The following XKR6 variants were observed in gnomAD, a reference collection of about 807,000 sequenced individuals.
XKR6 encodes the protein XK-related protein 6.
XKR6 carries 22 observed loss-of-function variants against 56.7 expected under a neutral mutation model. The observed-to-expected ratio is 0.39, with a 90% CI of 0.28 to 0.55. The LOEUF is 0.55. Among genes scored for constraint, XKR6 ranks in the 20% least tolerant of loss-of-function variants. The probability of loss-of-function intolerance (pLI) is 0.66; values close to 1 mark genes in which losing one functional copy is unlikely to be tolerated. For missense variants in XKR6, 852 were observed against 889.0 expected, an observed-to-expected ratio of 0.96 and a Z score of 0.53; for synonymous variants, 524 against 387.8, an observed-to-expected ratio of 1.35 and a Z score of -4.13.
chr8:11,178,504 A>G (rs1802774948), intron 1 of XKR6, among the ~76,000 whole-genome samples: 1 of 148,722 alleles, frequency 6.7e-6, no homozygotes, highest in African/African-American at 2.5e-5. Context: ...AATCACTAAT[A>G]AAACCACACC....
At chr8:11,157,148 G>T (rs1310009140) in intron 1 of XKR6, among the ~76,000 whole-genome samples, 1 of 152,152 alleles carries the variant, frequency 6.6e-6, no homozygotes, top group African/African-American at 2.4e-5. Flanking sequence ...TGCCTGACCA[G>T]CAAGCCTCCA....
intron 1 of XKR6, chr8:11,137,188 G>T (rs1438890672): frequency 5.8e-6 from 1 of 172,798 alleles, no homozygotes; most frequent in African/African-American, 2.4e-5. Flanking sequence ...CCATCATCAT[G>T]CTAAAACATA....
intron 1 of XKR6, among the ~76,000 whole-genome samples, chr8:11,069,756 A>G (rs1360993758): frequency 6.6e-6 from 1 of 152,088 alleles, no homozygotes; most frequent in Non-Finnish European, 1.5e-5. Context: ...GAGCCTCCAG[A>G]GCCTTCAGTG....
chr8:11,162,694 C>T (rs1286801768), intron 1 of XKR6, among the ~76,000 whole-genome samples: 1 of 152,198 alleles, frequency 6.6e-6, no homozygotes, highest in African/African-American at 2.4e-5. Context: ...AATTTTTAAA[C>T]ATTCTTACAA....
chr8:11,194,039 A>G (rs1334744377), intron 1 of XKR6, among the ~76,000 whole-genome samples: 1 of 152,204 alleles, frequency 6.6e-6, no homozygotes, highest in Non-Finnish European at 1.5e-5. Context: ...CAAAATGAGA[A>G]TTTGTTTAAT....
intron 1 of XKR6, among the ~76,000 whole-genome samples, chr8:11,167,014 G>C (rs1205130676): frequency 2.0e-5 from 3 of 152,212 alleles, no homozygotes; most frequent in Non-Finnish European, 4.4e-5. Flanking sequence ...GTTGCCTGCA[G>C]CGTGTGTGGC....
chr8:10,959,910 C>T (rs1563312832), intron 1 of XKR6, among the ~76,000 whole-genome samples: 3 of 152,132 alleles, frequency 2.0e-5, no homozygotes. Context: ...GTGACCAGGG[C>T]TGGAACTACG....
intron 1 of XKR6, among the ~76,000 whole-genome samples, chr8:11,097,807 C>CA (rs1196874380): frequency 0.076 from 4,720 of 62,302 alleles, 186 homozygotes; most frequent in East Asian, 0.13. Context: ...GACTCCATCT[C>CA]AAAAAAAAAA....
At chr8:10,915,363 C>A (rs1471709180) in intron 2 of XKR6, among the ~76,000 whole-genome samples, 1 of 152,194 alleles carries the variant, frequency 6.6e-6, no homozygotes, top group Non-Finnish European at 1.5e-5. Context: ...ATGAAGCTAC[C>A]TCGCTCACTT....
intron 1 of XKR6, among the ~76,000 whole-genome samples, chr8:10,947,595 A>G (rs1450745620): frequency 1.3e-5 from 2 of 152,170 alleles, no homozygotes; most frequent in Non-Finnish European, 2.9e-5. Context: ...ACACCCAAAG[A>G]AGGAGGAGAA....
rs1374636056 is a variant in XKR6, at chr8:10,924,501, G to T, written c.961+133C>A. 2.8e-6 allele frequency: 3 copies of T among 1,062,306 alleles called. No individual in the cohort carries two copies. The East Asian group carries it at 7.7e-5, about 27-fold the overall frequency. 65.8% of individuals were successfully genotyped at this position (1,062,306 alleles called of 1,614,324 possible). ...CCCCGTCAGCACTGCACTGGGGGCC[G>T]GGCGTCCTGGGGACTCAGGGCAGGA... On this transcript the variant is annotated intron_variant, in intron 2 of 2. Transcript: ENST00000416569.
At chr8:11,110,634 C>T (rs1202875000) in intron 1 of XKR6, among the ~76,000 whole-genome samples, 2 of 152,272 alleles carry the variant, frequency 1.3e-5, no homozygotes, top group Non-Finnish European at 1.5e-5. Context: ...ACTTGACCAT[C>T]ATATGTATCT....
intron 1 of XKR6, among the ~76,000 whole-genome samples, chr8:11,034,124 A>G (rs1478614628): frequency 6.6e-6 from 1 of 152,264 alleles, no homozygotes; most frequent in Non-Finnish European, 1.5e-5. Context: ...GCATGCCTCA[A>G]GGAGACATGG....
At chr8:11,146,491 T>C (rs574348417) in intron 1 of XKR6, among the ~76,000 whole-genome samples, 11 of 152,122 alleles carry the variant, frequency 7.2e-5, no homozygotes, top group Non-Finnish European at 1.5e-4. Context: ...TAGATGAGCA[T>C]GGTGGCATGT....
At chr8:11,162,011 A>G (rs1801838884) in intron 1 of XKR6, among the ~76,000 whole-genome samples, 2 of 152,310 alleles carry the variant, frequency 1.3e-5, no homozygotes, top group South Asian at 2.1e-4. Context: ...GTCCCACTTC[A>G]CAGAGTTCTA....
intron 1 of XKR6, among the ~76,000 whole-genome samples, chr8:11,000,132 A>T (rs138843334): frequency 1.3e-5 from 2 of 152,254 alleles, no homozygotes; most frequent in East Asian, 3.9e-4. Flanking sequence ...AGGCACCAAG[A>T]CTATTAAAGA....
chr8:11,051,586 C>G (rs561736753), intron 1 of XKR6, among the ~76,000 whole-genome samples: 114 of 152,278 alleles, frequency 7.5e-4, no homozygotes, highest in African/African-American at 2.6e-3. Context: ...CTTTTCCTCA[C>G]GCCCCATGCC....
chr8:10,918,227 C>T (rs1800615064), intron 2 of XKR6, among the ~76,000 whole-genome samples: 1 of 152,216 alleles, frequency 6.6e-6, no homozygotes, highest in Non-Finnish European at 1.5e-5. Context: ...GACCCATCCC[C>T]TTGCCTCCTG....
chr8:11,031,113 G>A (rs796891291), intron 1 of XKR6, among the ~76,000 whole-genome samples: 1 of 152,204 alleles, frequency 6.6e-6, no homozygotes, highest in East Asian at 1.9e-4. Context: ...AGATGACCCT[G>A]TTCACTGGCT....
Sources: gnomAD v4.1 joint callset for allele counts (sites outside exome capture counted in the v4.1 genomes callset) on GRCh38, gnomAD v4.1.1 for gene constraint, MANE v1.5 for transcripts, NCBI Gene and HGNC (gene_info 2026-07-23, HGNC 2026-07-21) for gene names.